The following CTBP1 variants were observed in gnomAD, a reference collection of about 807,000 sequenced individuals.
CTBP1 encodes C-terminal-binding protein 1.
In CTBP1, 11 loss-of-function variants were observed where a neutral mutation model predicts 42.1. The observed-to-expected ratio is 0.26, with a 90% confidence interval of 0.16 to 0.43. The LOEUF (loss-of-function observed/expected upper bound fraction) is 0.43. Among genes scored for constraint, CTBP1 ranks in the 20% least tolerant of loss-of-function variants. The pLI is 1.00. For missense variants in CTBP1, 399 were observed against 624.3 expected, an observed-to-expected ratio of 0.64 and a Z score of 3.85; for synonymous variants, 324 against 277.1, an observed-to-expected ratio of 1.17 and a Z score of -1.68.
At chr4:1,244,501 C>G in intron 1 of CTBP1, 1 of 985,252 alleles carries the variant, frequency 1.0e-6, no homozygotes, top group Non-Finnish European at 1.2e-6. Flanking sequence ...CCTCCACGTC[C>G]CTCCACTGGC....
intron 3 of CTBP1, among the ~76,000 whole-genome samples, chr4:1,232,145 G>A (rs1731028485): frequency 6.6e-6 from 1 of 152,230 alleles, no homozygotes; most frequent in South Asian, 2.1e-4. Flanking sequence ...CTAGGCTGAA[G>A]CGATCCTCTG....
chr4:1,248,544 G>A (rs1733003181), intron 1 of CTBP1: 1 of 359,434 alleles, frequency 2.8e-6, no homozygotes, highest in East Asian at 1.7e-4. Context: ...GACCGGGGAC[G>A]GGGTAGCGGC....
intron 5 of CTBP1, among the ~76,000 whole-genome samples, chr4:1,222,373 C>T (rs1429366057): frequency 6.6e-6 from 1 of 152,166 alleles, no homozygotes; most frequent in Non-Finnish European, 1.5e-5. Context: ...GGAGCGCTGA[C>T]CTGGCCTGGT....
chr4:1,245,560 C>A, intron 1 of CTBP1: 1 of 981,864 alleles, frequency 1.0e-6, no homozygotes, highest in Non-Finnish European at 1.2e-6. Context: ...CAGGGTGGCA[C>A]AGGAGGGCAC....
rs773373860 is a variant in CTBP1, at chr4:1,214,473, T to A, written c.730A>T (p.Met244Leu). 6.3e-7 allele frequency: 1 copy of A among 1,584,226 alleles called. No homozygotes were observed. The highest frequency in any genetic ancestry group is 1.8e-5 in the Admixed American group (1 of 54,724). Reference protein sequence around the residue: ...HLINDFTVKQMRQGAFLVNTA... With the variant: ...HLINDFTVKQLRQGAFLVNTA... The stretch of plus-strand genomic sequence containing the variant: ...TTCACCAGGAAGGCCCCTTGTCTCA[T>A]CTAGAAGACATAAGGACAGGCCAGG... The change falls in exon 7 of 10, where the codon ATG becomes TTG. Residue 244 changes from methionine to leucine, a missense_variant and splice_region_variant. This residue lies in a region of CTBP1 where 309 missense variants were observed against 497.5 expected (regional missense o/e 0.62). Coordinates refer to ENST00000382952, the MANE Select transcript of CTBP1 (RefSeq NM_001012614.2).
chr4:1,244,676 G>A, intron 1 of CTBP1: 2 of 985,378 alleles, frequency 2.0e-6, no homozygotes, highest in South Asian at 9.4e-5. Flanking sequence ...GGCACCCTAA[G>A]GCTGGGTGGT....
rs1577013200 is a variant in CTBP1 at position 1,213,808 on chromosome 4, G to A, written c.861-203C>T. ...CACACCAGGGGCTCCTGACAGCGGCGGGTGTGGGAGCCCAAGGGATTTAAT... is the reference window on the plus strand; with the variant it reads ...CACACCAGGGGCTCCTGACAGCGGCAGGTGTGGGAGCCCAAGGGATTTAAT... On this transcript the variant is annotated intron_variant, in intron 7 of 9. Coordinates refer to ENST00000382952, the MANE Select transcript of CTBP1 (RefSeq NM_001012614.2). The A allele has an allele frequency of 6.5e-5, 40 of 613,570 alleles. No homozygotes were observed. The East Asian group carries it at 9.3e-4, about 14-fold the overall frequency. The allele number at this position is 613,570 out of a possible 1,614,324, so 38.0% of individuals were successfully genotyped here. A position where few individuals can be genotyped will look rare whatever the true frequency, so the allele number is the denominator to read the frequency against.
intron 1 of CTBP1, among the ~76,000 whole-genome samples, chr4:1,247,216 G>A (rs1732804848): frequency 6.6e-6 from 1 of 152,262 alleles, no homozygotes; most frequent in African/African-American, 2.4e-5. Flanking sequence ...AGGAAGAAGT[G>A]CATGTTGGGG....
chr4:1,222,763 A>AGG (rs1225089077), intron 5 of CTBP1, among the ~76,000 whole-genome samples: 1 of 144,300 alleles, frequency 6.9e-6, no homozygotes, highest in African/African-American at 2.5e-5. Context: ...CAGCCTGGGA[A>AGG]GGCGCCGCCC....
rs1461276962 is a variant in CTBP1, at chr4:1,228,260, G to A, written c.246C>T (p.Arg82=). The change falls in exon 4 of 10, where the codon CGC becomes CGT. Residue 82 remains arginine (R), a synonymous_variant. Coordinates refer to ENST00000382952, the MANE Select transcript of CTBP1 (RefSeq NM_001012614.2). ...AACCACTGCCAATCCGGACGATGAT[G>A]CGGAGGGCTTTGAACTTCTCCAGGT... ...REDLEKFKAL[R]IIVRIGSGFD... The A allele has an allele frequency of 6.2e-7, 1 of 1,614,206 alleles. No individual in the cohort carries two copies.
In CTBP1 at chr4:1,245,619, G is replaced by A. The variant is rs367682447; in HGVS notation, c.-189+3297C>T. On this transcript the variant is annotated intron_variant, in intron 1 of 9. Transcript: ENST00000382952. ...GTGGCACGGGAGGGCAGGGTGACAC[G>A]GGCGGCATAGCAGAGTGGCATGGAC... is the stretch of plus-strand genomic sequence containing the variant. 476 of 980,734 alleles carry A rather than the reference G, an allele frequency of 4.9e-4. 7 individuals carry two copies. The South Asian group carries it at 0.02, about 42-fold the overall frequency. 60.8% of individuals were successfully genotyped at this position (980,734 alleles called of 1,614,324 possible).
intron 3 of CTBP1, chr4:1,237,204 G>A (rs1387534813): frequency 1.5e-6 from 1 of 669,162 alleles, no homozygotes; most frequent in Non-Finnish European, 2.7e-6. Context: ...CCTCCTGATG[G>A]GGCACAGGGC....
Position 1,225,508 on chromosome 4 carries a change from C to A in CTBP1, c.366G>T (p.Leu122=). 6.5e-7 allele frequency: 1 copy of A among 1,545,554 alleles called. No homozygotes were observed. The highest frequency in any genetic ancestry group is 8.7e-7 in the Non-Finnish European group (1 of 1,146,828). The change falls in exon 5 of 10, where the codon CTG becomes CTT. Residue 122 remains leucine (L), a synonymous_variant. Coordinates refer to ENST00000382952, the MANE Select transcript of CTBP1 (RefSeq NM_001012614.2). ...ASVEETADST[L]CHILNLYRRA... ...GCCGGTACAGGTTCAGGATGTGGCA[C>A]AGCGTCGAGTCGGCCGTCTCCTCCA...
At chr4:1,236,392 G>A (rs1331103526) in intron 3 of CTBP1, 10 of 530,240 alleles carry the variant, frequency 1.9e-5, no homozygotes, top group African/African-American at 3.8e-5. Context: ...GGGCAATGCC[G>A]AGACCGCCCG....
chr4:1,228,094 A>G, intron 4 of CTBP1, 105 bp downstream of exon 4: 1 of 1,473,542 alleles, frequency 6.8e-7, no homozygotes, highest in Admixed American at 1.9e-5. Flanking sequence ...ACACCAGGCA[A>G]TGTGCAACGG....
In CTBP1 at chr4:1,238,249, G is replaced by A. The variant is rs1731783974; in HGVS notation, c.96C>T (p.Pro32=). ...LDGRDCTVEM[P]ILKDVATVAF... ...CCACAGTGGCCACGTCCTTCAGGAT[G>A]GGCATCTCCACTGTGCAGTCCCGGC... The change falls in exon 3 of 10, where the codon CCC becomes CCT. Residue 32 remains proline, a synonymous_variant. Transcript: ENST00000382952. This position sits in a 1 kb window ranked among gnomAD's most constrained non-coding sequence, Gnocchi z 5.9. 2 of 1,612,616 alleles carry A rather than the reference G, an allele frequency of 1.2e-6. No individual in the cohort carries two copies. Among genetic ancestry groups the A allele is most frequent in the Non-Finnish European group, 1.7e-6 (2 of 1,179,638 alleles).
chr4:1,232,445 T>C (rs1048381498), intron 3 of CTBP1, among the ~76,000 whole-genome samples: 7 of 152,044 alleles, frequency 4.6e-5, no homozygotes, highest in African/African-American at 1.7e-4. Flanking sequence ...CTGAGTATCT[T>C]GGACTACAGG....
intron 1 of CTBP1, chr4:1,243,615 G>C (rs1248529734): frequency 9.1e-6 from 9 of 985,450 alleles, no homozygotes; most frequent in Non-Finnish European, 1.1e-5. Context: ...GCCCCACTGA[G>C]AGCCAGTGTC....
chr4:1,219,998 G>A (rs1371055175), intron 5 of CTBP1, among the ~76,000 whole-genome samples: 1 of 152,236 alleles, frequency 6.6e-6, no homozygotes, highest in Non-Finnish European at 1.5e-5. Flanking sequence ...CTTGAAGTCA[G>A]GAGTTCGAGC....
Sources: gnomAD v4.1 joint callset for allele counts (sites outside exome capture counted in the v4.1 genomes callset) on GRCh38, gnomAD v4.1.1 for gene constraint, gnomAD v4.1.1 regional missense constraint, Gnocchi (gnomAD v3.1) non-coding constraint, MANE v1.5 for transcripts, NCBI Gene and HGNC (gene_info 2026-07-23, HGNC 2026-07-21) for gene names.